The following ZNF518A variants were observed in gnomAD, a reference collection of about 807,000 sequenced individuals.
ZNF518A encodes the protein zinc finger protein 518A, also known as zinc finger protein 518.
ZNF518A carries 47 observed loss-of-function variants against 102.7 expected under a neutral mutation model. The ratio of observed to expected loss-of-function variants is 0.46; its 90% CI spans 0.36 to 0.58. The LOEUF (loss-of-function observed/expected upper bound fraction) is 0.58. ZNF518A is among the 20% of genes least tolerant of loss of function. The probability of loss-of-function intolerance (pLI) is 0.00; values close to 1 mark genes in which losing one functional copy is unlikely to be tolerated. For missense variants in ZNF518A, 1,793 were observed against 1,699.8 expected, an observed-to-expected ratio of 1.05 and a Z score of -0.96; for synonymous variants, 652 against 594.6, an observed-to-expected ratio of 1.10 and a Z score of -1.40.
rs587766099 is a variant in ZNF518A, at chr10:96,182,243, G to A, written n.36-21331G>A. On this transcript the variant is annotated intron_variant and non_coding_transcript_variant, in intron 1 of 2. Transcript: ENST00000442635. ...GGAGATTTGGGGCTGATACAACGGG[G>A]TTTTCTAGATATACAATAATGTCAT... Among the ~76,000 whole-genome samples the A allele has an allele frequency of 1.4e-4, 22 of 152,278 alleles. No homozygotes were observed. The South Asian group carries it at 4.2e-3, about 29-fold the overall frequency.
intron 3 of ZNF518A, among the ~76,000 whole-genome samples, chr10:96,138,317 G>A (rs1182818653): frequency 1.3e-5 from 2 of 152,138 alleles, no homozygotes; most frequent in Non-Finnish European, 2.9e-5. Flanking sequence ...ATCAGGGCCT[G>A]TTTCTGTCCC....
Position 96,156,829 on chromosome 10 carries a change from A to G in ZNF518A, c.507A>G (p.Arg169=). The change falls in exon 6 of 6, where the codon AGA becomes AGG. Residue 169 remains arginine (R), a synonymous_variant. Transcript: ENST00000316045. ...ANDFQVFKQH[R]RTHRSTLVKC... ...ACTTTCAGGTATTTAAACAACACAG[A>G]CGAACCCATAGAAGCACTTTAGTAA... is the stretch of plus-strand genomic sequence containing the variant. 6.2e-7 allele frequency: 1 copy of G among 1,613,894 alleles called. No homozygotes were observed. The highest frequency in any genetic ancestry group is 8.5e-7 in the Non-Finnish European group (1 of 1,179,814).
chr10:96,147,366 A>T (rs1454546281), intron 3 of ZNF518A, among the ~76,000 whole-genome samples: 2 of 152,174 alleles, frequency 1.3e-5, no homozygotes, highest in Non-Finnish European at 2.9e-5. Flanking sequence ...ACTGTTTGTT[A>T]TCCTGGTATT....
intron 1 of ZNF518A, among the ~76,000 whole-genome samples, chr10:96,201,736 C>CTGCA (rs1370808652): frequency 1.3e-5 from 1 of 75,864 alleles, no homozygotes; most frequent in Non-Finnish European, 3.2e-5. Flanking sequence ...AAAGACTTAT[C>CTGCA]TGCATTCATT....
chr10:96,143,053 C>T (rs587602697), intron 3 of ZNF518A, among the ~76,000 whole-genome samples: 1 of 152,220 alleles, frequency 6.6e-6, no homozygotes, highest in South Asian at 2.1e-4. Flanking sequence ...GGTGATCCGC[C>T]CGCTTTGGCC....
chr10:96,148,304 G>A (rs2082263860), intron 3 of ZNF518A, among the ~76,000 whole-genome samples: 3 of 152,258 alleles, frequency 2.0e-5, no homozygotes, highest in South Asian at 4.1e-4. Flanking sequence ...GCCTGGTGTG[G>A]TGGCACATGC....
downstream of ZNF518A, among the ~76,000 whole-genome samples, chr10:96,165,146 T>C (rs1282662561): frequency 2.0e-5 from 3 of 152,092 alleles, no homozygotes; most frequent in Admixed American, 6.5e-5. Context: ...TTTTTCGAGA[T>C]GGAGTCTCAC....
chr10:96,177,048 C>T (rs904635751), intron 1 of ZNF518A, among the ~76,000 whole-genome samples: 10 of 147,152 alleles, frequency 6.8e-5, no homozygotes, highest in Admixed American at 6.2e-4. Context: ...CACTGCACTC[C>T]AGCCAGGGCA....
chr10:96,200,885 T>C lies in ZNF518A; in HGVS notation n.36-2689T>C. The C allele has an allele frequency of 1.8e-6, 2 of 1,097,790 alleles. No individual in the cohort carries two copies. The highest frequency in any genetic ancestry group is 2.5e-5 in the South Asian group (2 of 80,404). 68.0% of individuals were successfully genotyped at this position (1,097,790 alleles called of 1,614,324 possible). A position where few individuals can be genotyped will look rare whatever the true frequency, so the allele number is the denominator to read the frequency against. On this transcript the variant is annotated intron_variant and non_coding_transcript_variant, in intron 1 of 2. Transcript: ENST00000442635. The surrounding 1 kb of genome is among the most constrained non-coding windows in gnomAD (Gnocchi z 4.3). ...TAATGATGTAAAATACAGTCTCTGT[T>C]CTCAAGGTTCACTCCAAATGTCTTC...
intron 1 of ZNF518A, chr10:96,196,858 T>C (rs782657554): frequency 1.9e-6 from 3 of 1,564,736 alleles, no homozygotes; most frequent in Non-Finnish European, 2.6e-6. Flanking sequence ...TTTGATGTCA[T>C]TATACTCAAT....
chr10:96,177,653 G>A (rs1352334646), intron 1 of ZNF518A, among the ~76,000 whole-genome samples: 1 of 152,074 alleles, frequency 6.6e-6, no homozygotes, highest in Non-Finnish European at 1.5e-5. Flanking sequence ...AGGAACCATT[G>A]TAAAAAACAT....
At chr10:96,170,779 A>C (rs1355111353) in intron 1 of ZNF518A, among the ~76,000 whole-genome samples, 1 of 152,332 alleles carries the variant, frequency 6.6e-6, no homozygotes, top group Admixed American at 6.5e-5. Context: ...GGATATCATC[A>C]AGAAAGTGAA....
At chr10:96,164,151 A>G (rs962366501), downstream of ZNF518A, among the ~76,000 whole-genome samples, 10 of 152,268 alleles carry the variant, frequency 6.6e-5, no homozygotes, top group African/African-American at 2.2e-4. Context: ...CTGTTAAGAA[A>G]AAGTAATAGA....
chr10:96,204,002 C>G (rs2083727292), exon 3 of ZNF518A: 1 of 1,504,978 alleles, frequency 6.6e-7, no homozygotes, highest in Admixed American at 1.7e-5. Context: ...CTATCAGACT[C>G]TAGGATCCAG....
At chr10:96,153,241 T>C (rs1342584790) in intron 3 of ZNF518A, among the ~76,000 whole-genome samples, 1 of 152,246 alleles carries the variant, frequency 6.6e-6, no homozygotes, top group African/African-American at 2.4e-5. Context: ...TTTTTTGTTC[T>C]GTCAAGGCCC....
At chr10:96,172,611 T>G (rs1258734529) in intron 1 of ZNF518A, among the ~76,000 whole-genome samples, 1 of 152,024 alleles carries the variant, frequency 6.6e-6, no homozygotes, top group Non-Finnish European at 1.5e-5. Flanking sequence ...GGAATTAAGT[T>G]TGTATTTATC....
At chr10:96,146,649 T>C (rs2082185130) in intron 3 of ZNF518A, among the ~76,000 whole-genome samples, 1 of 152,256 alleles carries the variant, frequency 6.6e-6, no homozygotes, top group Admixed American at 6.5e-5. Flanking sequence ...ACACTATGTA[T>C]GTGGTTTAAA....
rs587599187 is a variant in ZNF518A, at chr10:96,201,115, A to G, written n.36-2459A>G. 26 of 1,456,730 alleles carry G rather than the reference A, an allele frequency of 1.8e-5. No individual in the cohort carries two copies. In the African/African-American group the frequency reaches 3.5e-4, roughly 20 times the overall value. 90.2% of individuals were successfully genotyped at this position (1,456,730 alleles called of 1,614,324 possible). On this transcript the variant is annotated intron_variant and non_coding_transcript_variant, in intron 1 of 2. Transcript: ENST00000442635. ...TCTTCATATTTCTTGAACTCTTTCT[A>G]TGCCTATCCCCTAACACTGTACTAG...
downstream of ZNF518A, among the ~76,000 whole-genome samples, chr10:96,165,327 T>TA (rs1554889953): frequency 6.6e-6 from 1 of 152,016 alleles, no homozygotes; most frequent in Non-Finnish European, 1.5e-5. Flanking sequence ...AGGCTGGTCT[T>TA]AAACTCCTGA....
Sources: allele counts gnomAD v4.1 joint callset (sites outside exome capture counted in the v4.1 genomes callset), GRCh38; gene constraint gnomAD v4.1.1; non-coding constraint Gnocchi (gnomAD v3.1); transcripts MANE v1.5; gene names NCBI Gene and HGNC (gene_info 2026-07-23, HGNC 2026-07-21).